Variants in AGFG1 observed in about 807,000 individuals in gnomAD.
AGFG1 encodes ArfGAP with FG repeats 1, also known as arf-GAP domain and FG repeat-containing protein 1.
Under a neutral mutation model 60.6 loss-of-function variants are expected in AGFG1, and 10 were observed. The observed-to-expected ratio is 0.16, with a 90% confidence interval of 0.10 to 0.28. AGFG1 has a LOEUF of 0.28. AGFG1 is among the 10% of genes least tolerant of loss of function. The pLI is 1.00. For synonymous variants in AGFG1, 247 were observed against 242.9 expected (o/e 1.02, Z -0.16); for missense variants, 537 against 676.5 (o/e 0.79, Z 2.29).
rs183480625 is a variant in AGFG1 at position 227,554,685 on chromosome 2, G to A, written c.*190G>A. 6 of 487,138 alleles carry A rather than the reference G, an allele frequency of 1.2e-5. No individual in the cohort carries two copies. The East Asian group carries it at 1.9e-4, about 16-fold the overall frequency. The allele number at this position is 487,138 out of a possible 1,614,324, so 30.2% of individuals were successfully genotyped here. Reference sequence around the variant, plus strand: ...GGGCTCCAGTAACACCTTCTAACCTGTGAATTGGCAGAAAAGGGTAGCGGT... The same window carrying A: ...GGGCTCCAGTAACACCTTCTAACCTATGAATTGGCAGAAAAGGGTAGCGGT... On this transcript the variant is annotated 3_prime_UTR_variant, in exon 13 of 13. Coordinates refer to ENST00000310078, the MANE Select transcript of AGFG1 (RefSeq NM_004504.5).
intron 12 of AGFG1, 23 bp from the exon 13 acceptor site, chr2:227,554,413 A>T (rs374579855): frequency 1.3e-6 from 2 of 1,596,400 alleles, no homozygotes; most frequent in Non-Finnish European, 1.7e-6. Flanking sequence ...CTCTTTATTT[A>T]TTTGTCTTAT....
chr2:227,476,060 CTTGT>C (rs1322026963), intron 1 of AGFG1, among the ~76,000 whole-genome samples: 1 of 151,960 alleles, frequency 6.6e-6, no homozygotes, highest in Non-Finnish European at 1.5e-5. Flanking sequence ...GCTAATCTTT[CTTGT>C]TTCTTTTTTT....
intron 1 of AGFG1, among the ~76,000 whole-genome samples, chr2:227,482,738 G>GC (rs1690506166): frequency 6.6e-6 from 1 of 152,170 alleles, no homozygotes; most frequent in Non-Finnish European, 1.5e-5. Flanking sequence ...ATGGTTATTT[G>GC]CAAGATTGTT....
intron 6 of AGFG1, 115 bp downstream of exon 6, chr2:227,531,325 G>A: frequency 8.2e-7 from 1 of 1,224,350 alleles, no homozygotes; most frequent in Non-Finnish European, 1.1e-6. Flanking sequence ...ACTTTAAAAT[G>A]GTTCTATCTT....
chr2:227,508,779 T>C, intron 2 of AGFG1: 2 of 389,996 alleles, frequency 5.1e-6, no homozygotes, highest in South Asian at 3.9e-5. Context: ...GTAAAATTAT[T>C]TACTGTTTGT....
At chr2:227,480,027 A>C (rs1175833958) in intron 1 of AGFG1, among the ~76,000 whole-genome samples, 1 of 152,258 alleles carries the variant, frequency 6.6e-6, no homozygotes, top group Non-Finnish European at 1.5e-5. Context: ...AGAGGTCATA[A>C]TTATACCTTA....
intron 1 of AGFG1, among the ~76,000 whole-genome samples, chr2:227,484,190 G>T (rs540268355): frequency 6.6e-6 from 1 of 152,080 alleles, no homozygotes; most frequent in South Asian, 2.1e-4. Context: ...TCATTTAAGT[G>T]GTGTTTCTTT....
chr2:227,534,742 C>G lies in AGFG1; in HGVS notation c.1025-103C>G, dbSNP rs186185829. The stretch of plus-strand genomic sequence containing the variant: ...TAATGATTTGGAATCCTGCTTAACT[C>G]TAAATCCATTTTAAGTTTACCTGTG... On this transcript the variant is annotated intron_variant, in intron 7 of 12. Coordinates refer to ENST00000310078, the MANE Select transcript of AGFG1 (RefSeq NM_004504.5). 1,156 of 1,248,826 alleles carry G rather than the reference C, an allele frequency of 9.3e-4. 11 individuals carry two copies. The highest frequency in any genetic ancestry group is 5.3e-4 in the Non-Finnish European group (468 of 885,058). 77.4% of individuals were successfully genotyped at this position (1,248,826 alleles called of 1,614,324 possible). A position where few individuals can be genotyped will look rare whatever the true frequency, so the allele number is the denominator to read the frequency against.
intron 1 of AGFG1, among the ~76,000 whole-genome samples, chr2:227,483,663 C>G (rs972640719): frequency 6.6e-6 from 1 of 152,124 alleles, no homozygotes; most frequent in Non-Finnish European, 1.5e-5. Flanking sequence ...ATAGTTTGTT[C>G]CTCCTTGTTG....
chr2:227,516,202 G>A (rs1320535852), intron 2 of AGFG1, among the ~76,000 whole-genome samples: 1 of 152,208 alleles, frequency 6.6e-6, no homozygotes, highest in African/African-American at 2.4e-5. Flanking sequence ...GAATAACCTG[G>A]AGGACTTGAT....
chr2:227,540,363 A>G (rs1692453657), intron 10 of AGFG1, among the ~76,000 whole-genome samples: 1 of 151,898 alleles, frequency 6.6e-6, no homozygotes, highest in South Asian at 2.1e-4. Flanking sequence ...ACCCCAAGAC[A>G]GGCGCCGGTG....
chr2:227,473,072 C>G (rs1159399647), intron 1 of AGFG1, among the ~76,000 whole-genome samples: 1 of 140,314 alleles, frequency 7.1e-6, no homozygotes, highest in African/African-American at 2.6e-5. Context: ...CTGCTGGGCG[C>G]TCCTGCTGGG....
intron 10 of AGFG1, among the ~76,000 whole-genome samples, chr2:227,550,576 A>G (rs1317584721): frequency 2.6e-5 from 4 of 152,134 alleles, no homozygotes; most frequent in Non-Finnish European, 5.9e-5. Context: ...CAGTGTGCTT[A>G]TTATTCTTTA....
intron 2 of AGFG1, among the ~76,000 whole-genome samples, chr2:227,495,968 A>AG (rs1690960754): frequency 6.6e-6 from 1 of 151,474 alleles, no homozygotes; most frequent in South Asian, 2.1e-4. Context: ...AAAAAAAAAA[A>AG]TTAGCCAGGC....
intron 1 of AGFG1, among the ~76,000 whole-genome samples, chr2:227,489,616 G>A (rs1690742607): frequency 1.3e-5 from 2 of 152,078 alleles, no homozygotes; most frequent in Non-Finnish European, 2.9e-5. Context: ...AGGAAAAAAT[G>A]AGTATAAAAT....
chr2:227,509,951 A>G (rs571345676), intron 2 of AGFG1, among the ~76,000 whole-genome samples: 9 of 152,344 alleles, frequency 5.9e-5, no homozygotes, highest in African/African-American at 2.2e-4. Flanking sequence ...AAGGCAGAGT[A>G]AATAAAATTA....
At position 227,557,231 on chromosome 2, in the gene AGFG1, C is replaced by T. The variant is rs1692997714; in HGVS notation, c.*2736C>T. On this transcript the variant is annotated 3_prime_UTR_variant, in exon 13 of 13. Coordinates refer to ENST00000310078, the MANE Select transcript of AGFG1 (RefSeq NM_004504.5). ...TTTTTTCAGGATGGCAAACTTTTGA[C>T]ATAGTTTAAAGACATTTTTTCCCCA... is the stretch of plus-strand genomic sequence containing the variant. The T allele has an allele frequency of 1.3e-5, 2 of 152,136 alleles. No homozygotes were observed. Among genetic ancestry groups the T allele is most frequent in the African/African-American group, 4.8e-5 (2 of 41,434 alleles). The allele number at this position is 152,136 out of a possible 1,614,324, so 9.4% of individuals were successfully genotyped here.
At chr2:227,480,781 G>C (rs1470690555) in intron 1 of AGFG1, among the ~76,000 whole-genome samples, 3 of 152,144 alleles carry the variant, frequency 2.0e-5, no homozygotes, top group Non-Finnish European at 4.4e-5. Context: ...TTAGCCTCCT[G>C]ATGAAAGGTG....
intron 3 of AGFG1, among the ~76,000 whole-genome samples, chr2:227,522,975 AT>A (rs964166184): frequency 2.6e-5 from 4 of 151,924 alleles, no homozygotes; most frequent in African/African-American, 9.7e-5. Flanking sequence ...ATTATCGTAA[AT>A]TTTTTTTCCT....
Sources: allele counts gnomAD v4.1 joint callset (sites outside exome capture counted in the v4.1 genomes callset), GRCh38; gene constraint gnomAD v4.1.1; transcripts MANE v1.5; gene names NCBI Gene and HGNC (gene_info 2026-07-23, HGNC 2026-07-21).